TAFA5: variants seen among roughly 807,000 people sequenced by gnomAD.
TAFA5 encodes the protein TAFA chemokine like family member 5.
In TAFA5, 6 loss-of-function variants were observed where a neutral mutation model predicts 15.3. That is an observed-to-expected ratio of 0.39 (90% CI 0.21 to 0.77). The LOEUF is 0.77. Ranked by LOEUF, TAFA5 falls within the 30% of genes least tolerant of loss-of-function variation. TAFA5 has a pLI of 0.41. For synonymous variants in TAFA5, 103 were observed against 80.7 expected (o/e 1.28, Z -1.48); for missense variants, 161 against 193.1 (o/e 0.83, Z 0.98).
chr22:48,585,172 G>T (rs972778705), intron 1 of TAFA5, among the ~76,000 whole-genome samples: 2 of 130,642 alleles, frequency 1.5e-5, no homozygotes, highest in African/African-American at 5.9e-5. Flanking sequence ...CACCACACAC[G>T]ACACACTGTG....
intron 1 of TAFA5, among the ~76,000 whole-genome samples, chr22:48,519,477 C>T (rs1921530805): frequency 6.6e-6 from 1 of 152,216 alleles, no homozygotes; most frequent in Admixed American, 6.5e-5. Flanking sequence ...GACCCTGGGT[C>T]TTCTCTGCCA....
rs142128868 is a variant in TAFA5 at position 48,611,572 on chromosome 22, C to CTG, written c.113-35021_113-35020dup. 6.0e-3 allele frequency among the ~76,000 whole-genome samples: 913 copies of CTG among 152,224 alleles called. 6 individuals carry two copies. Among genetic ancestry groups the CTG allele is most frequent in the African/African-American group, 0.021 (885 of 41,520 alleles). On this transcript the variant is annotated intron_variant, in intron 1 of 3. Transcript: ENST00000402357. ...TTCTGTGGCCAGGGCTCGTGAGAGT[C>CTG]TGTGTTTACCCTCCGTGTCCTGCCA... is the stretch of plus-strand genomic sequence containing the variant.
intron 1 of TAFA5, among the ~76,000 whole-genome samples, chr22:48,619,665 C>T (rs1229783434): frequency 2.0e-5 from 3 of 152,212 alleles, no homozygotes; most frequent in African/African-American, 4.8e-5. Flanking sequence ...ATGGCAAAGA[C>T]GGGCTGGCCC....
chr22:48,686,061 AG>A (rs1394453585), intron 2 of TAFA5, among the ~76,000 whole-genome samples: 1 of 152,018 alleles, frequency 6.6e-6, no homozygotes, highest in East Asian at 1.9e-4. Flanking sequence ...GGGAGTTGGA[AG>A]GGGTGCTGAG....
intron 1 of TAFA5, among the ~76,000 whole-genome samples, chr22:48,640,577 G>T (rs1386516090): frequency 6.6e-6 from 1 of 151,774 alleles, no homozygotes; most frequent in Non-Finnish European, 1.5e-5. Context: ...GGCTGTGGGT[G>T]ATGAGAGGCG....
At chr22:48,646,265 C>T (rs1407306177) in intron 1 of TAFA5, among the ~76,000 whole-genome samples, 1 of 152,178 alleles carries the variant, frequency 6.6e-6, no homozygotes. Flanking sequence ...TGCAGGGGAG[C>T]CAGCTCCCTC....
chr22:48,749,672 T>C (rs1930425184), intron 3 of TAFA5, among the ~76,000 whole-genome samples, 167 bp from the exon 4 acceptor site: 1 of 152,088 alleles, frequency 6.6e-6, no homozygotes. Flanking sequence ...TTGGGGGCAC[T>C]GTCTGGTGGC....
Position 48,489,963 on chromosome 22 carries a change from G to T in TAFA5, c.112+259G>T, listed in dbSNP as rs550256293. Among the ~76,000 whole-genome samples, 1 of 151,884 alleles carries T rather than the reference G, an allele frequency of 6.6e-6. No homozygotes were observed. The highest frequency in any genetic ancestry group is 1.5e-5 in the Non-Finnish European group (1 of 67,900). ...TCCCTGACTCCCCGGCAGGGCCCGG[G>T]CTCCAGGCCCCGGGTGGCGCGGCCC... On this transcript the variant is annotated intron_variant, in intron 1 of 3. Coordinates refer to ENST00000402357, the MANE Select transcript of TAFA5 (RefSeq NM_001082967.3). This position sits in a 1 kb window ranked among gnomAD's most constrained non-coding sequence, Gnocchi z 5.5.
At chr22:48,743,346 G>A (rs1371708071) in intron 3 of TAFA5, among the ~76,000 whole-genome samples, 1 of 152,230 alleles carries the variant, frequency 6.6e-6, no homozygotes, top group Non-Finnish European at 1.5e-5. Flanking sequence ...CTCTGTCTCT[G>A]TCTGCATGGG....
At chr22:48,723,718 G>A (rs1277436179) in intron 3 of TAFA5, among the ~76,000 whole-genome samples, 1 of 152,236 alleles carries the variant, frequency 6.6e-6, no homozygotes, top group Non-Finnish European at 1.5e-5. Context: ...ATCTGTAGAA[G>A]GGGGTAAGAA....
chr22:48,707,934 G>C (rs1929133901), intron 3 of TAFA5, 90 bp downstream of exon 3: 1 of 1,513,148 alleles, frequency 6.6e-7, no homozygotes, highest in Non-Finnish European at 8.9e-7. Flanking sequence ...GCGGGGACAG[G>C]TGGCAGCTGC....
At chr22:48,616,628 G>C (rs1280490523) in intron 1 of TAFA5, among the ~76,000 whole-genome samples, 1 of 151,186 alleles carries the variant, frequency 6.6e-6, no homozygotes, top group Non-Finnish European at 1.5e-5. Context: ...GAGTGGCCTC[G>C]CTGAGGCCGG....
intron 2 of TAFA5, among the ~76,000 whole-genome samples, chr22:48,672,116 G>A (rs1927821581): frequency 6.6e-6 from 1 of 152,212 alleles, no homozygotes; most frequent in Non-Finnish European, 1.5e-5. Flanking sequence ...GATATTGAGA[G>A]ATTTTCATCT....
chr22:48,544,721 T>C, intron 1 of TAFA5: 2 of 471,284 alleles, frequency 4.2e-6, no homozygotes, highest in South Asian at 3.1e-5. Context: ...TGCATGTTGG[T>C]CTCAGTCCCC....
In TAFA5 at chr22:48,751,472, T is replaced by G. The variant is rs544387442; in HGVS notation, c.*1625T>G. The G allele has an allele frequency of 1.1e-4, 17 of 152,568 alleles. No individual in the cohort carries two copies. The East Asian group carries it at 3.3e-3, about 29-fold the overall frequency. 9.5% of individuals were successfully genotyped at this position (152,568 alleles called of 1,614,324 possible). ...AGTCCAATTAACATGAGTATTATGC[T>G]AGTTCTATCCTACTAAAAAAAACGT... On this transcript the variant is annotated 3_prime_UTR_variant, in exon 4 of 4. Coordinates refer to ENST00000402357, the MANE Select transcript of TAFA5 (RefSeq NM_001082967.3).
intron 1 of TAFA5, among the ~76,000 whole-genome samples, chr22:48,516,150 A>G (rs751583907): frequency 1.3e-5 from 2 of 151,984 alleles, no homozygotes; most frequent in Non-Finnish European, 2.9e-5. Context: ...TAACTTTATG[A>G]CGCGCTACCC....
rs573303902 is a variant in TAFA5, at chr22:48,638,760, G to A, written c.113-7837G>A. ...AAGCCCTGGGACACCACACACAGGC[G>A]GGACCCCCCCCATCCCCCGACACTA... On this transcript the variant is annotated intron_variant, in intron 1 of 3. Transcript: ENST00000402357. 4.8e-3 allele frequency among the ~76,000 whole-genome samples: 519 copies of A among 107,556 alleles called. 29 individuals are homozygous for A. Among genetic ancestry groups the A allele is most frequent in the African/African-American group, 0.024 (467 of 19,812 alleles). The allele number at this position is 107,556 out of a possible 152,430, so 70.6% of individuals were successfully genotyped here. A position where few individuals can be genotyped will look rare whatever the true frequency, so the allele number is the denominator to read the frequency against.
intron 1 of TAFA5, chr22:48,576,354 G>C: frequency 8.3e-7 from 1 of 1,202,660 alleles, no homozygotes; most frequent in South Asian, 4.1e-5. Context: ...GCGGCGGAGC[G>C]CGGCGTTGGC....
rs951083728 is a variant in TAFA5, at chr22:48,490,357, G to A, written c.112+653G>A. 6.6e-6 allele frequency among the ~76,000 whole-genome samples: 1 copy of A among 152,046 alleles called. No homozygotes were observed. The highest frequency in any genetic ancestry group is 1.5e-5 in the Non-Finnish European group (1 of 67,986). On this transcript the variant is annotated intron_variant, in intron 1 of 3. Coordinates refer to ENST00000402357, the MANE Select transcript of TAFA5 (RefSeq NM_001082967.3). The surrounding 1 kb of genome is among the most constrained non-coding windows in gnomAD (Gnocchi z 5.8). ...GCTGGTGACCGGCGGGACTGGCGCG[G>A]GCGCGGGCTGGGGTGGTGCGGGCCA...
Sources: gnomAD v4.1 joint callset for allele counts (sites outside exome capture counted in the v4.1 genomes callset) on GRCh38, gnomAD v4.1.1 for gene constraint, Gnocchi (gnomAD v3.1) non-coding constraint, MANE v1.5 for transcripts, NCBI Gene and HGNC (gene_info 2026-07-23, HGNC 2026-07-21) for gene names.